The following POLR3C variants were observed in gnomAD, a reference collection of about 807,000 sequenced individuals.
POLR3C encodes the protein DNA-directed RNA polymerase III subunit RPC3.
POLR3C carries 44 observed loss-of-function variants against 65.9 expected under a neutral mutation model. That is an observed-to-expected ratio of 0.67 (90% CI 0.52 to 0.86). The LOEUF (loss-of-function observed/expected upper bound fraction) is 0.86, where lower values mean the gene tolerates loss of function less well. Ranked by LOEUF, POLR3C falls within the 40% of genes least tolerant of loss-of-function variation. POLR3C has a pLI of 0.00. For missense variants in POLR3C, 576 were observed against 653.2 expected (o/e 0.88, Z 1.29); for synonymous variants, 263 against 231.6 (o/e 1.14, Z -1.23).
At position 145,840,990 on chromosome 1, in the gene POLR3C, A is replaced by G. The variant is rs782516015; in HGVS notation, c.1442A>G (p.Glu481Gly). Residue 481 changes from glutamate to glycine, a missense_variant, in exon 14 of 15, where the codon GAA becomes GGA. Glu to Gly is a moderately conservative substitution (Grantham distance 98). Coordinates refer to ENST00000334163, the MANE Select transcript of POLR3C (RefSeq NM_006468.8). ...IASMQATGAE[E>G]AQLQEIEEMI... ...TCTATGCAGGCTACTGGTGCAGAGG[A>G]AGCACAGTTACAAGAAATAGAGGAG... The G allele has an allele frequency of 9.9e-6, 16 of 1,612,702 alleles. No homozygotes were observed. Among genetic ancestry groups the G allele is most frequent in the Non-Finnish European group, 1.4e-5 (16 of 1,178,684 alleles).
In POLR3C at chr1:145,843,090, A is replaced by G. The variant is rs9729355; in HGVS notation, c.*670A>G. Among the ~76,000 whole-genome samples the G allele has an allele frequency of 1.3e-5, 2 of 151,974 alleles. No individual in the cohort carries two copies. The highest frequency in any genetic ancestry group is 4.8e-5 in the African/African-American group (2 of 41,376). ...AGTGTAGGGAATGTGAAAGACTATCACAGAGTAGAAGAAAAAATTATTTTC... is the reference window on the plus strand; with the variant it reads ...AGTGTAGGGAATGTGAAAGACTATCGCAGAGTAGAAGAAAAAATTATTTTC... On this transcript the variant is annotated 3_prime_UTR_variant, in exon 15 of 15. Coordinates refer to ENST00000334163, the MANE Select transcript of POLR3C (RefSeq NM_006468.8).
At position 145,842,453 on chromosome 1, in the gene POLR3C, G is replaced by A; in HGVS notation, c.*33G>A. 6.9e-7 allele frequency: 1 copy of A among 1,445,770 alleles called. No individual in the cohort carries two copies. Among genetic ancestry groups the A allele is most frequent in the Non-Finnish European group, 9.7e-7 (1 of 1,028,014 alleles). 89.6% of individuals were successfully genotyped at this position (1,445,770 alleles called of 1,614,324 possible). A position where few individuals can be genotyped will look rare whatever the true frequency, so the allele number is the denominator to read the frequency against. The stretch of plus-strand genomic sequence containing the variant: ...GAAGCATCTTCCTCAGAAGATCTGG[G>A]GGGATGGAAAGCAAAATAAAGGAGG... On this transcript the variant is annotated 3_prime_UTR_variant, in exon 15 of 15. Coordinates refer to ENST00000334163, the MANE Select transcript of POLR3C (RefSeq NM_006468.8).
chr1:145,835,144 C>CAAAA (rs56819606), intron 7 of POLR3C, among the ~76,000 whole-genome samples: 1 of 47,284 alleles, frequency 2.1e-5, no homozygotes, highest in Non-Finnish European at 4.6e-5. Context: ...AACCCTATTT[C>CAAAA]AAAAAAAAAA....
rs781881195 is a variant in POLR3C at position 145,840,183 on chromosome 1, T to G, written c.1373+18T>G. On this transcript the variant is annotated intron_variant, in intron 13 of 14. Transcript: ENST00000334163. ...GAGAATAAGTAAGTAACATTTTCAG[T>G]TGAGTTATTTACATCTTTCAAGATC... 6.7e-7 allele frequency: 1 copy of G among 1,488,786 alleles called. No homozygotes were observed. Among genetic ancestry groups the G allele is most frequent in the South Asian group, 1.1e-5 (1 of 88,386 alleles). 92.2% of individuals were successfully genotyped at this position (1,488,786 alleles called of 1,614,324 possible).
rs782565239 is a variant in POLR3C, at chr1:145,833,488, A to T, written c.784-2A>T. The T allele has an allele frequency of 1.9e-5, 31 of 1,612,250 alleles. No individual in the cohort carries two copies. The highest frequency in any genetic ancestry group is 2.5e-5 in the Non-Finnish European group (30 of 1,178,220). On this transcript the variant is annotated splice_acceptor_variant, in intron 6 of 14. Transcript: ENST00000334163. LOFTEE classifies it high-confidence loss of function. ...CTGAATTCTAGTTTACTTTTCAAAC[A>T]GACAAGCAGCGAGATTGTGCGAACC... is the stretch of plus-strand genomic sequence containing the variant.
chr1:145,842,513 C>T lies in POLR3C; in HGVS notation c.*93C>T. 2 of 855,138 alleles carry T rather than the reference C, an allele frequency of 2.3e-6. No homozygotes were observed. 53.0% of individuals were successfully genotyped at this position (855,138 alleles called of 1,614,324 possible). A position where few individuals can be genotyped will look rare whatever the true frequency, so the allele number is the denominator to read the frequency against. On this transcript the variant is annotated 3_prime_UTR_variant, in exon 15 of 15. Coordinates refer to ENST00000334163, the MANE Select transcript of POLR3C (RefSeq NM_006468.8). ...GCATTATTTGCAGTGGGATAAGTCGCAGAGTCTTCAACTAAACCCCCCTCT... is the reference window on the plus strand; with the variant it reads ...GCATTATTTGCAGTGGGATAAGTCGTAGAGTCTTCAACTAAACCCCCCTCT...
Position 145,840,168 on chromosome 1 carries a change from A to C in POLR3C, c.1373+3A>C, listed in dbSNP as rs887933450. 1 of 1,565,056 alleles carries C rather than the reference A, an allele frequency of 6.4e-7. No homozygotes were observed. Among genetic ancestry groups the C allele is most frequent in the Non-Finnish European group, 8.8e-7 (1 of 1,135,192 alleles). ...CAATTTGAAACCAAAGAGAATAAGT[A>C]AGTAACATTTTCAGTTGAGTTATTT... On this transcript the variant is annotated splice_donor_region_variant and intron_variant, in intron 13 of 14. Coordinates refer to ENST00000334163, the MANE Select transcript of POLR3C (RefSeq NM_006468.8).
Position 145,826,892 on chromosome 1 carries a change from G to T in POLR3C, c.476G>T (p.Arg159Leu). Residue 159 changes from arginine to leucine, a missense_variant, in exon 4 of 15, where the codon CGC becomes CTC. Transcript: ENST00000334163. ...CTGGCAGACACACACTTTGTACAACGCTGCCCTTCGGTACCTACCACTGAG... is the reference window on the plus strand; with the variant it reads ...CTGGCAGACACACACTTTGTACAACTCTGCCCTTCGGTACCTACCACTGAG... ...VRLADTHFVQ[R>L]CPSVPTTENS... The T allele has an allele frequency of 3.7e-6, 6 of 1,613,298 alleles. No homozygotes were observed. The highest frequency in any genetic ancestry group is 5.1e-6 in the Non-Finnish European group (6 of 1,179,694).
chr1:145,837,484 C>A, intron 9 of POLR3C, 52 bp from the exon 10 acceptor site: 1 of 907,510 alleles, frequency 1.1e-6, no homozygotes, highest in South Asian at 1.7e-5. Context: ...AAACTCAGAT[C>A]ACAATAACTA....
rs587666728 is a variant in POLR3C, at chr1:145,826,291, A to G, written c.148-163A>G. ...GGAATCTTCCTGATTTATTGTATTG[A>G]TGTGTGATTCTTATTAGCTCCTCCA... is the stretch of plus-strand genomic sequence containing the variant. On this transcript the variant is annotated intron_variant, in intron 2 of 14. Transcript: ENST00000334163. Among the ~76,000 whole-genome samples, 6 of 152,346 alleles carry G rather than the reference A, an allele frequency of 3.9e-5. No homozygotes were observed. In the East Asian group the frequency reaches 1.2e-3, roughly 29 times the overall value.
chr1:145,836,645 C>A, intron 8 of POLR3C, 71 bp downstream of exon 8: 3 of 1,017,068 alleles, frequency 2.9e-6, no homozygotes, highest in Admixed American at 1.7e-5. Flanking sequence ...TGCACTGATA[C>A]CTAGTGTCAT....
chr1:145,834,803 CA>C (rs1651665065), intron 7 of POLR3C, among the ~76,000 whole-genome samples: 1 of 152,130 alleles, frequency 6.6e-6, no homozygotes, highest in Non-Finnish European at 1.5e-5. Context: ...TTATATGGTG[CA>C]TGACTGTGTT....
rs1553726492 is a variant in POLR3C at position 145,828,856 on chromosome 1, T to TC, written c.678+19_678+20insC. On this transcript the variant is annotated intron_variant, in intron 5 of 14. Transcript: ENST00000334163. ...CAAGGAGGTAATGGGGCTTCTTGAT[T>TC]AGAAGTCCTCACCCTGAAGCAGGCC... 1 of 1,343,138 alleles carries TC rather than the reference T, an allele frequency of 7.4e-7. No homozygotes were observed. The highest frequency in any genetic ancestry group is 1.7e-5 in the Admixed American group (1 of 59,652). The allele number at this position is 1,343,138 out of a possible 1,614,324, so 83.2% of individuals were successfully genotyped here.
chr1:145,825,013 T>A (rs933305389), intron 1 of POLR3C, among the ~76,000 whole-genome samples: 1 of 152,188 alleles, frequency 6.6e-6, no homozygotes, highest in African/African-American at 2.4e-5. Context: ...CATAGTCTTT[T>A]CCTATGCATA....
Position 145,840,985 on chromosome 1 carries a change from A to G in POLR3C, c.1437A>G (p.Ala479=). 1 of 1,612,768 alleles carries G rather than the reference A, an allele frequency of 6.2e-7. No individual in the cohort carries two copies. The highest frequency in any genetic ancestry group is 1.1e-5 in the South Asian group (1 of 91,068). ...AIIASMQATG[A]EEAQLQEIEE... ...TTGCATCTATGCAGGCTACTGGTGCAGAGGAAGCACAGTTACAAGAAATAG... is the reference window on the plus strand; with the variant it reads ...TTGCATCTATGCAGGCTACTGGTGCGGAGGAAGCACAGTTACAAGAAATAG... Residue 479 remains alanine (A), a synonymous_variant, in exon 14 of 15, where the codon GCA becomes GCG. Coordinates refer to ENST00000334163, the MANE Select transcript of POLR3C (RefSeq NM_006468.8).
rs782693328 is a variant in POLR3C, at chr1:145,839,951, TC to T, written c.1285del (p.Leu429CysfsTer15). 2.5e-6 allele frequency: 4 copies of T among 1,612,194 alleles called. No homozygotes were observed. In the South Asian group the frequency reaches 4.4e-5, roughly 18 times the overall value. ...SRTFYLYTVN[I>X]LSAARMLLHR... is the part of the protein sequence containing the mutation. ...ACCTTCTATTTATATACTGTGAACATCCTGTCAGCTGCCCGAATGTTGTTGC... is the reference window on the plus strand; with the variant it reads ...ACCTTCTATTTATATACTGTGAACATCTGTCAGCTGCCCGAATGTTGTTGC... On this transcript the variant is annotated frameshift_variant, in exon 12 of 15. Transcript: ENST00000334163. LOFTEE classifies it high-confidence loss of function.
chr1:145,829,114 A>G (rs1315471314), intron 5 of POLR3C, among the ~76,000 whole-genome samples: 1 of 152,228 alleles, frequency 6.6e-6, no homozygotes, highest in African/African-American at 2.4e-5. Context: ...CTAAAGACCT[A>G]CAGGGGCCAG....
At chr1:145,835,400 G>A (rs1273381524) in intron 7 of POLR3C, among the ~76,000 whole-genome samples, 2 of 148,054 alleles carry the variant, frequency 1.4e-5, no homozygotes, top group African/African-American at 5.0e-5. Context: ...AGCTGAGATC[G>A]CACCACTGCA....
rs779327639 is a variant in POLR3C, at chr1:145,843,321, C to T, written c.*901C>T. 6.6e-6 allele frequency among the ~76,000 whole-genome samples: 1 copy of T among 152,212 alleles called. No individual in the cohort carries two copies. The highest frequency in any genetic ancestry group is 2.4e-5 in the African/African-American group (1 of 41,434). ...ACTGGCAACGCTAAATTCTCTCTCT[C>T]AGTATCACGGATATAATTTGTCCCA... On this transcript the variant is annotated 3_prime_UTR_variant, in exon 15 of 15. Coordinates refer to ENST00000334163, the MANE Select transcript of POLR3C (RefSeq NM_006468.8).
Sources: gnomAD v4.1 joint callset for allele counts (sites outside exome capture counted in the v4.1 genomes callset) on GRCh38, gnomAD v4.1.1 for gene constraint, MANE v1.5 for transcripts, NCBI Gene and HGNC (gene_info 2026-07-23, HGNC 2026-07-21) for gene names.